PLEKHG7: variants seen among roughly 807,000 people sequenced by gnomAD.
PLEKHG7 encodes the protein pleckstrin homology domain-containing family G member 7.
In PLEKHG7, 77 loss-of-function variants were observed where a neutral mutation model predicts 85.2. The observed-to-expected ratio is 0.90, with a 90% CI of 0.75 to 1.09. PLEKHG7 has a LOEUF of 1.09. Ranked by LOEUF, PLEKHG7 falls within the 50% of genes least tolerant of loss-of-function variation. PLEKHG7 has a pLI of 0.00. For synonymous variants in PLEKHG7, 301 were observed against 302.4 expected (o/e 1.00, Z 0.05); for missense variants, 777 against 804.3 (o/e 0.97, Z 0.41).
chr12:92,756,762 T>C (rs917912426), intron 13 of PLEKHG7, among the ~76,000 whole-genome samples: 1 of 152,254 alleles, frequency 6.6e-6, no homozygotes, highest in African/African-American at 2.4e-5. Flanking sequence ...CAAATGTTTA[T>C]GGAGACTCTA....
At chr12:92,745,798 A>G (rs1215339018) in intron 10 of PLEKHG7, among the ~76,000 whole-genome samples, 1 of 152,230 alleles carries the variant, frequency 6.6e-6, no homozygotes. Flanking sequence ...GAAAGATTAT[A>G]TTATCTAATA....
In PLEKHG7 at chr12:92,750,305, T is replaced by C. The variant is rs1161549632; in HGVS notation, c.1252-3785T>C. Among the ~76,000 whole-genome samples the C allele has an allele frequency of 7.9e-5, 12 of 152,296 alleles. No homozygotes were observed. In the East Asian group the frequency reaches 1.3e-3, roughly 17 times the overall value. ...TGTTATTTGCCTTCCCTAACGGACC[T>C]GAAAAATGAAGTCAATAGAGAGATG... On this transcript the variant is annotated intron_variant, in intron 10 of 16. Transcript: ENST00000344636.
At chr12:92,718,742 C>A (rs1456940814) in intron 3 of PLEKHG7, among the ~76,000 whole-genome samples, 1 of 152,108 alleles carries the variant, frequency 6.6e-6, no homozygotes, top group East Asian at 1.9e-4. Context: ...ATTGCTTAAT[C>A]CCACAAGGGA....
intron 12 of PLEKHG7, among the ~76,000 whole-genome samples, 170 bp from the exon 13 acceptor site, chr12:92,756,128 A>T (rs372991133): frequency 6.6e-6 from 1 of 152,186 alleles, no homozygotes; most frequent in Non-Finnish European, 1.5e-5. Flanking sequence ...TGCCATTCTT[A>T]TGATGGTCCT....
chr12:92,755,963 G>A (rs1431886501), intron 12 of PLEKHG7, 23 bp downstream of exon 12: 2 of 1,503,194 alleles, frequency 1.3e-6, no homozygotes, highest in African/African-American at 1.4e-5. Context: ...AATCAATTAG[G>A]ACTTATGTCC....
chr12:92,768,346 T>C (rs1318420014), intron 15 of PLEKHG7, among the ~76,000 whole-genome samples: 1 of 152,228 alleles, frequency 6.6e-6, no homozygotes. Flanking sequence ...ATCTTTTCTT[T>C]GAGGCCAGCT....
intron 16 of PLEKHG7, among the ~76,000 whole-genome samples, 172 bp downstream of exon 16, chr12:92,769,252 C>A (rs1873324312): frequency 6.6e-6 from 1 of 152,088 alleles, no homozygotes; most frequent in African/African-American, 2.4e-5. Flanking sequence ...GCTCAAAAGC[C>A]TCAGTATTGA....
chr12:92,711,186 C>T (rs765446934), intron 3 of PLEKHG7, among the ~76,000 whole-genome samples: 9 of 152,198 alleles, frequency 5.9e-5, no homozygotes, highest in Non-Finnish European at 7.3e-5. Flanking sequence ...CACCGTTATC[C>T]TTCAGGGATG....
chr12:92,756,821 T>A (rs1337936719), intron 13 of PLEKHG7, among the ~76,000 whole-genome samples: 2 of 152,170 alleles, frequency 1.3e-5, no homozygotes, highest in African/African-American at 4.8e-5. Context: ...TTGGAAGATA[T>A]AAAAACTCAT....
At chr12:92,761,940 C>A (rs1277521536) in intron 14 of PLEKHG7, 109 bp downstream of exon 14, 2 of 1,267,434 alleles carry the variant, frequency 1.6e-6, no homozygotes, top group Middle Eastern at 2.9e-4. Flanking sequence ...TAAGCTGAAT[C>A]TTTTCCTCTA....
intron 3 of PLEKHG7, among the ~76,000 whole-genome samples, chr12:92,708,835 A>G (rs1287375882): frequency 6.6e-6 from 1 of 152,218 alleles, no homozygotes; most frequent in Non-Finnish European, 1.5e-5. Context: ...AGGGAATTAC[A>G]TGTTACCAAC....
At chr12:92,727,322 A>G (rs1395687234) in intron 3 of PLEKHG7, among the ~76,000 whole-genome samples, 2 of 152,178 alleles carry the variant, frequency 1.3e-5, no homozygotes, top group Admixed American at 1.3e-4. Flanking sequence ...GGTATATTGC[A>G]TCATGGAGGA....
rs781524891 is a variant in PLEKHG7, at chr12:92,769,037, G to A, written c.1925G>A (p.Cys642Tyr). 2.5e-6 allele frequency: 4 copies of A among 1,603,996 alleles called. No individual in the cohort carries two copies. Among genetic ancestry groups the A allele is most frequent in the East Asian group, 2.2e-5 (1 of 44,722 alleles). Residue 642 changes from cysteine (C) to tyrosine (Y), a missense_variant, in exon 16 of 17, where the codon TGT becomes TAT. Cys to Tyr is a radical substitution (Grantham distance 194, BLOSUM62 -2). Around this residue, in one of 3 missense-constraint regions of PLEKHG7, gnomAD observed 520 missense variants for 544.0 expected, o/e 0.96. Coordinates refer to ENST00000344636, the MANE Select transcript of PLEKHG7 (RefSeq NM_001377329.1). ...LIQHENRYRQ[C>Y]IAAFLLQAQT... Reference sequence around the variant, plus strand: ...CAACACGAAAACAGATATCGACAGTGTATAGCAGCATTCTTATTACAAGCC... The same window carrying A: ...CAACACGAAAACAGATATCGACAGTATATAGCAGCATTCTTATTACAAGCC...
chr12:92,753,195 A>G (rs1182236373), intron 10 of PLEKHG7, among the ~76,000 whole-genome samples: 1 of 152,152 alleles, frequency 6.6e-6, no homozygotes, highest in African/African-American at 2.4e-5. Flanking sequence ...TGTTCAGGGT[A>G]AGAGAAGAGG....
intron 11 of PLEKHG7, 78 bp downstream of exon 11, chr12:92,754,342 T>C: frequency 7.3e-7 from 1 of 1,366,542 alleles, no homozygotes. Context: ...GCTTCCATCC[T>C]AGGAGGTAAT....
intron 10 of PLEKHG7, among the ~76,000 whole-genome samples, chr12:92,749,203 C>A (rs946780243): frequency 2.6e-5 from 4 of 152,152 alleles, no homozygotes; most frequent in African/African-American, 9.7e-5. Context: ...TGAGGCTAAG[C>A]TTTATGAATG....
chr12:92,721,260 G>T (rs1381854808), intron 3 of PLEKHG7, among the ~76,000 whole-genome samples: 1 of 152,202 alleles, frequency 6.6e-6, no homozygotes, highest in Non-Finnish European at 1.5e-5. Context: ...AGCAGCCAGA[G>T]ACATTTCTGG....
intron 3 of PLEKHG7, among the ~76,000 whole-genome samples, chr12:92,715,516 G>A (rs1162272411): frequency 6.6e-6 from 1 of 151,964 alleles, no homozygotes; most frequent in Non-Finnish European, 1.5e-5. Context: ...AACCGAGACA[G>A]ATCCCCCATT....
At chr12:92,760,664 G>T (rs1872961129) in intron 13 of PLEKHG7, among the ~76,000 whole-genome samples, 1 of 152,072 alleles carries the variant, frequency 6.6e-6, no homozygotes, top group Non-Finnish European at 1.5e-5. Context: ...ATTTCTAAGG[G>T]ATAGAGTAAA....
Sources: allele counts gnomAD v4.1 joint callset (sites outside exome capture counted in the v4.1 genomes callset), GRCh38; gene constraint gnomAD v4.1.1; regional missense constraint gnomAD v4.1.1; transcripts MANE v1.5; gene names NCBI Gene and HGNC (gene_info 2026-07-23, HGNC 2026-07-21).